The following SLC7A6 variants were observed in gnomAD, a reference collection of about 807,000 sequenced individuals.
SLC7A6 encodes solute carrier family 7 member 6, also known as Y+L amino acid transporter 2.
SLC7A6 carries 29 observed loss-of-function variants against 46.6 expected under a neutral mutation model. That is an observed-to-expected ratio of 0.62 (90% CI 0.46 to 0.85). The LOEUF (loss-of-function observed/expected upper bound fraction) is 0.85. Among genes scored for constraint, SLC7A6 ranks in the 40% least tolerant of loss-of-function variants. SLC7A6 has a pLI of 0.00. For synonymous variants in SLC7A6, 276 were observed against 257.3 expected (o/e 1.07, Z -0.70); for missense variants, 527 against 647.6 (o/e 0.81, Z 2.02).
chr16:68,288,071 C>T (rs2042975093), intron 4 of SLC7A6, among the ~76,000 whole-genome samples, 200 bp downstream of exon 4: 2 of 152,154 alleles, frequency 1.3e-5, no homozygotes, highest in African/African-American at 2.4e-5. Context: ...GTCAGCCTGT[C>T]CCTCAGGGCT....
intron 3 of SLC7A6, among the ~76,000 whole-genome samples, chr16:68,280,517 G>A (rs1737533787): frequency 1.3e-5 from 2 of 151,970 alleles, no homozygotes; most frequent in African/African-American, 4.8e-5. Context: ...AAAATCAAAA[G>A]TTCAGGCATC....
rs1248248185 is a variant in SLC7A6 at position 68,294,725 on chromosome 16, G to A, written c.1043G>A (p.Arg348Gln). The A allele has an allele frequency of 2.5e-6, 4 of 1,613,704 alleles. No homozygotes were observed. The highest frequency in any genetic ancestry group is 3.4e-6 in the Non-Finnish European group (4 of 1,179,674). ...ASSRLFFVGS[R>Q]EGHLPDLLSM... ...TCTAGGTTGTTCTTCGTGGGCTCCC[G>A]GGAGGGCCACCTACCGGACCTTCTG... Residue 348 changes from arginine to glutamine, a missense_variant, in exon 8 of 11, where the codon CGG becomes CAG. By Grantham distance (43) the Arg-to-Gln change is conservative. Coordinates refer to ENST00000219343, the MANE Select transcript of SLC7A6 (RefSeq NM_003983.6).
Position 68,287,796 on chromosome 16 carries a change from C to T in SLC7A6, c.574C>T (p.Gln192Ter). 1.2e-6 allele frequency: 2 copies of T among 1,614,200 alleles called. No homozygotes were observed. Among genetic ancestry groups the T allele is most frequent in the Non-Finnish European group, 1.7e-6 (2 of 1,180,018 alleles). Residue 192 changes from glutamine to a stop codon, truncating the protein, a stop_gained, in exon 4 of 11, where the codon CAG becomes TAG. Coordinates refer to ENST00000219343, the MANE Select transcript of SLC7A6 (RefSeq NM_003983.6). LOFTEE classifies it high-confidence loss of function. ...CAYVKWGTRV[Q>*]DTFTYAKVVA... Reference sequence around the variant, plus strand: ...CTATGTCAAGTGGGGCACACGTGTGCAGGACACGTTCACTTACGCCAAGGT... The same window carrying T: ...CTATGTCAAGTGGGGCACACGTGTGTAGGACACGTTCACTTACGCCAAGGT...
At position 68,297,932 on chromosome 16, in the gene SLC7A6, T is replaced by G. The variant is rs1032020471; in HGVS notation, c.*604T>G. On this transcript the variant is annotated 3_prime_UTR_variant, in exon 11 of 11. Transcript: ENST00000219343. ...ATTTAAAAATCAAAGTACCCAAAACTGAGTCCCTTTGGGCTCAGAAATGTC... is the reference window on the plus strand; with the variant it reads ...ATTTAAAAATCAAAGTACCCAAAACGGAGTCCCTTTGGGCTCAGAAATGTC... The G allele has an allele frequency of 6.5e-6, 1 of 152,688 alleles. No individual in the cohort carries two copies. The highest frequency in any genetic ancestry group is 2.4e-5 in the African/African-American group (1 of 41,462). The allele number at this position is 152,688 out of a possible 1,614,324, so 9.5% of individuals were successfully genotyped here.
chr16:68,301,090 G>A lies in SLC7A6; in HGVS notation c.*3762G>A. 7.7e-7 allele frequency: 1 copy of A among 1,304,120 alleles called. No homozygotes were observed. The highest frequency in any genetic ancestry group is 2.4e-5 in the South Asian group (1 of 40,944). The allele number at this position is 1,304,120 out of a possible 1,614,324, so 80.8% of individuals were successfully genotyped here. ...GAGGCAAAGGGGTCCTACTGTAAGT[G>A]GAAAAGACTCACTCCCCTAACATAA... On this transcript the variant is annotated 3_prime_UTR_variant, in exon 11 of 11. Transcript: ENST00000219343.
At chr16:68,279,557 G>A (rs1470109961) in intron 3 of SLC7A6, among the ~76,000 whole-genome samples, 1 of 151,946 alleles carries the variant, frequency 6.6e-6, no homozygotes, top group African/African-American at 2.4e-5. Context: ...TTTATTTTTT[G>A]AGACAGAGTC....
At position 68,296,350 on chromosome 16, in the gene SLC7A6, C is replaced by T; in HGVS notation, c.1120-14C>T. 1 of 1,613,694 alleles carries T rather than the reference C, an allele frequency of 6.2e-7. No homozygotes were observed. The highest frequency in any genetic ancestry group is 8.5e-7 in the Non-Finnish European group (1 of 1,179,960). ...GTGACGATGCTCACCTGTCTCCCCA[C>T]CCCTTTCCCACAGTGCACCATGGCA... On this transcript the variant is annotated splice_polypyrimidine_tract_variant and intron_variant, in intron 8 of 10. Transcript: ENST00000219343.
At position 68,298,225 on chromosome 16, in the gene SLC7A6, A is replaced by G. The variant is rs2043208976; in HGVS notation, c.*897A>G. 1 of 152,636 alleles carries G rather than the reference A, an allele frequency of 6.6e-6. No individual in the cohort carries two copies. The highest frequency in any genetic ancestry group is 2.1e-4 in the South Asian group (1 of 4,828). The allele number at this position is 152,636 out of a possible 1,614,324, so 9.5% of individuals were successfully genotyped here. On this transcript the variant is annotated 3_prime_UTR_variant, in exon 11 of 11. Transcript: ENST00000219343. ...ACTTGAGACCTTACATCTTTGTTCT[A>G]GCTGACAGTAAATCTCTGGGTTTCT...
chr16:68,273,544 T>C (rs9935025), intron 2 of SLC7A6, among the ~76,000 whole-genome samples: 88,866 of 151,860 alleles, frequency 0.59, 26,255 homozygotes, highest in East Asian at 0.81. Flanking sequence ...GGGTCCTTCA[T>C]AGGTAGGTTA....
intron 1 of SLC7A6, among the ~76,000 whole-genome samples, chr16:68,265,987 G>T (rs958508119): frequency 1.3e-5 from 2 of 152,156 alleles, no homozygotes; most frequent in Non-Finnish European, 1.5e-5. Flanking sequence ...CAGGCCGGGC[G>T]CGGTGGCTCA....
intron 4 of SLC7A6, 117 bp from the exon 5 acceptor site, chr16:68,290,279 C>A: frequency 9.6e-7 from 1 of 1,039,860 alleles, no homozygotes; most frequent in Non-Finnish European, 1.4e-6. Flanking sequence ...TTTTCATCTT[C>A]CCTTCCTCTT....
intron 1 of SLC7A6, among the ~76,000 whole-genome samples, chr16:68,265,129 T>C (rs1382288675): frequency 6.6e-6 from 1 of 152,256 alleles, no homozygotes; most frequent in East Asian, 1.9e-4. Context: ...GAATGACGAT[T>C]ATCATTTTAA....
chr16:68,287,562 T>G, intron 3 of SLC7A6, 184 bp from the exon 4 acceptor site: 1 of 1,457,632 alleles, frequency 6.9e-7, no homozygotes, highest in Non-Finnish European at 9.1e-7. Flanking sequence ...TGGAAGTGCC[T>G]GTGTGCTGTC....
At chr16:68,294,132 G>A (rs1050549171) in intron 7 of SLC7A6, among the ~76,000 whole-genome samples, 1 of 152,138 alleles carries the variant, frequency 6.6e-6, no homozygotes, top group African/African-American at 2.4e-5. Context: ...GACCTCAGGT[G>A]ATCCACCTGC....
At chr16:68,286,091 CAAAAAAAAAAAAAA>C (rs1165671231) in intron 3 of SLC7A6, among the ~76,000 whole-genome samples, 1 of 44,236 alleles carries the variant, frequency 2.3e-5, no homozygotes, top group Non-Finnish European at 4.4e-5. Flanking sequence ...GACCCTGTCT[CAAAAAAAAAAAAAA>C]AAAAAAAAAG....
intron 7 of SLC7A6, chr16:68,292,141 C>T (rs2043070038): frequency 6.4e-6 from 1 of 157,472 alleles, no homozygotes; most frequent in African/African-American, 2.4e-5. Context: ...GGATTCATTC[C>T]TTCAGTAAAT....
rs2042683091 is a variant in SLC7A6, at chr16:68,274,967, C to T, written c.241C>T (p.Leu81=). The T allele has an allele frequency of 6.2e-7, 1 of 1,614,228 alleles. No individual in the cohort carries two copies. The highest frequency in any genetic ancestry group is 8.5e-7 in the Non-Finnish European group (1 of 1,180,050). Residue 81 remains leucine (L), a synonymous_variant, in exon 3 of 11, where the codon CTG becomes TTG. Transcript: ENST00000219343. ...ACACACTGCCTCCTATGGGATGTCA[C>T]TGATTGTGTGGGCCATTGGTGGGCT... ...LVHTASYGMS[L]IVWAIGGLFS... is the part of the protein sequence containing the mutation.
At chr16:68,295,021 G>C in intron 8 of SLC7A6, 1 of 404,014 alleles carries the variant, frequency 2.5e-6, no homozygotes, top group Non-Finnish European at 4.4e-6. Context: ...GAAAGGTGGG[G>C]ATTCACTTAA....
At chr16:68,276,198 A>G (rs2042710533) in intron 3 of SLC7A6, among the ~76,000 whole-genome samples, 1 of 152,220 alleles carries the variant, frequency 6.6e-6, no homozygotes, top group Non-Finnish European at 1.5e-5. Flanking sequence ...CTGCGGCCAC[A>G]TTTGAGTTTC....
Sources: allele counts gnomAD v4.1 joint callset (sites outside exome capture counted in the v4.1 genomes callset), GRCh38; gene constraint gnomAD v4.1.1; transcripts MANE v1.5; gene names NCBI Gene and HGNC (gene_info 2026-07-23, HGNC 2026-07-21).